The following MAGT1 variants were observed in gnomAD, a reference collection of about 807,000 sequenced individuals.
MAGT1 encodes magnesium transporter 1, also known as dolichyl-diphosphooligosaccharide--protein glycosyltransferase subunit MAGT1.
MAGT1 carries 4 observed loss-of-function variants against 28.4 expected under a neutral mutation model. That is an observed-to-expected ratio of 0.14 (90% CI 0.07 to 0.32). The LOEUF (loss-of-function observed/expected upper bound fraction) is 0.32. MAGT1 is among the 10% of genes least tolerant of loss of function. The pLI, the probability that MAGT1 is intolerant of heterozygous loss-of-function variation, is 1.00. For synonymous variants in MAGT1, 89 were observed against 89.7 expected, an observed-to-expected ratio of 0.99 and a Z score of 0.04; for missense variants, 193 against 264.5, an observed-to-expected ratio of 0.73 and a Z score of 1.88.
chrX:77,834,808 C>CA (rs1195011908), intron 8 of MAGT1, among the ~76,000 whole-genome samples: 1 of 110,360 alleles, frequency 9.1e-6, no homozygotes, highest in African/African-American at 3.3e-5. Flanking sequence ...GCAAAGGATA[C>CA]AATCAACAAA....
intron 7 of MAGT1, among the ~76,000 whole-genome samples, chrX:77,847,581 G>A (rs1557215121): frequency 9.1e-6 from 1 of 109,921 alleles, no homozygotes; most frequent in African/African-American, 3.3e-5. Flanking sequence ...GCTGCACAAA[G>A]GTCTTTTGTT....
chrX:77,885,798 G>A (rs961957271), intron 1 of MAGT1, among the ~76,000 whole-genome samples: 1 of 110,359 alleles, frequency 9.1e-6, no homozygotes, highest in Non-Finnish European at 1.9e-5. Flanking sequence ...TGACCAACAT[G>A]GTGAAACCCT....
chrX:77,876,164 A>AT (rs1163646892), intron 1 of MAGT1, among the ~76,000 whole-genome samples: 18 of 24,969 alleles, frequency 7.2e-4, no homozygotes, highest in East Asian at 2.3e-3. Flanking sequence ...ATATATATAT[A>AT]TTTTTTTTTT....
At chrX:77,831,078 C>T (rs868956435) in intron 8 of MAGT1, among the ~76,000 whole-genome samples, 183 bp from the exon 9 acceptor site, 6 of 110,038 alleles carry the variant, frequency 5.5e-5, no homozygotes, top group Admixed American at 2.9e-4. Context: ...AGTGCAGCGG[C>T]GCGATCTCGG....
chrX:77,830,960 ATACTTTCTTTT>A, intron 8 of MAGT1, 65 bp from the exon 9 acceptor site: 1 of 393,248 alleles, frequency 2.5e-6, no homozygotes, highest in Non-Finnish European at 4.1e-6. Flanking sequence ...ATGGCAGTCT[ATACTTTCTTTT>A]TTTATTTTAT....
At chrX:77,840,693 T>C (rs2076932480) in intron 8 of MAGT1, among the ~76,000 whole-genome samples, 1 of 110,369 alleles carries the variant, frequency 9.1e-6, no homozygotes, top group African/African-American at 3.3e-5. Flanking sequence ...AAGTACAAAA[T>C]ATAAGCTGGG....
chrX:77,889,663 G>A (rs1252140915), intron 1 of MAGT1, among the ~76,000 whole-genome samples: 2 of 110,698 alleles, frequency 1.8e-5, no homozygotes, highest in Non-Finnish European at 3.8e-5. Context: ...GAGCCACTGT[G>A]CCCGGCCTTA....
intron 1 of MAGT1, among the ~76,000 whole-genome samples, chrX:77,878,000 G>A (rs1286490737): frequency 9.2e-6 from 1 of 108,268 alleles, no homozygotes; most frequent in African/African-American, 3.4e-5. Flanking sequence ...TCAAGCAACT[G>A]GGTGGGTGCA....
intron 7 of MAGT1, among the ~76,000 whole-genome samples, chrX:77,845,924 C>T (rs1388538375): frequency 9.0e-6 from 1 of 110,899 alleles, no homozygotes; most frequent in East Asian, 2.8e-4. Context: ...TGGAGTTGCT[C>T]TTCTCGAGGA....
At chrX:77,830,958 CTATACTTTCTTT>C (rs1452233023) in intron 8 of MAGT1, 63 bp from the exon 9 acceptor site, 1 of 394,896 alleles carries the variant, frequency 2.5e-6, no homozygotes, top group Non-Finnish European at 4.1e-6. Flanking sequence ...CCATGGCAGT[CTATACTTTCTTT>C]TTTTATTTTA....
intron 1 of MAGT1, among the ~76,000 whole-genome samples, chrX:77,880,199 T>A (rs1407703150): frequency 9.1e-6 from 1 of 109,379 alleles, no homozygotes; most frequent in Non-Finnish European, 1.9e-5. Context: ...ATGTCACAAG[T>A]ACATCTCTAT....
chrX:77,877,811 TCAAAA>T (rs1569548222), intron 1 of MAGT1, among the ~76,000 whole-genome samples: 2 of 81,067 alleles, frequency 2.5e-5, no homozygotes, highest in African/African-American at 4.4e-5. Context: ...AGACTCTGTC[TCAAAA>T]TAAAATAAAA....
chrX:77,855,016 A>G (rs2076977688), intron 6 of MAGT1, among the ~76,000 whole-genome samples: 2 of 111,822 alleles, frequency 1.8e-5, no homozygotes. Context: ...CACTTTTAAG[A>G]GCACTGCGGC....
chrX:77,879,628 A>C (rs2077045385), intron 1 of MAGT1, among the ~76,000 whole-genome samples: 1 of 110,981 alleles, frequency 9.0e-6, no homozygotes, highest in South Asian at 3.8e-4. Context: ...AAGAGAACAG[A>C]GACCCACAAT....
At position 77,828,934 on chromosome X, in the gene MAGT1, T is replaced by A. The variant is rs782138959; in HGVS notation, c.*286A>T. 2.6e-5 allele frequency: 6 copies of A among 233,634 alleles called. No homozygotes were observed. The Admixed American group carries it at 4.0e-4, about 15-fold the overall frequency. 19.3% of individuals were successfully genotyped at this position (233,634 alleles called of 1,213,427 possible). ...TGTTCTAACTAAAACAAAGTAGTAG[T>A]TTTACAATTTTTATAATATACTTAA... On this transcript the variant is annotated 3_prime_UTR_variant, in exon 10 of 10. Transcript: ENST00000618282.
At chrX:77,893,563 G>A (rs1413633090) in intron 1 of MAGT1, among the ~76,000 whole-genome samples, 1 of 111,564 alleles carries the variant, frequency 9.0e-6, no homozygotes, top group Non-Finnish European at 1.9e-5. Flanking sequence ...TTCACTGGTA[G>A]AAATGCTAAG....
chrX:77,884,098 C>T (rs2149028324), intron 1 of MAGT1, among the ~76,000 whole-genome samples: 1 of 111,033 alleles, frequency 9.0e-6, no homozygotes, highest in East Asian at 2.9e-4. Context: ...GAGGCTGAGG[C>T]ACGAGAATCA....
rs781996070 is a variant in MAGT1 at position 77,875,436 on chromosome X, G to A, written c.264C>T (p.Val88=). The part of the protein sequence containing the change: ...FTALQLHRQC[V]VCKQADEEFQ... ...GTAGTTGGAGTTCATACTTGCAAAC[G>A]ACACACTGTCTATGCAGTTGGAGAG... Residue 88 remains valine (V), a synonymous_variant, in exon 2 of 10, where the codon GTC becomes GTT. Coordinates refer to ENST00000618282, the MANE Select transcript of MAGT1 (RefSeq NM_001367916.1). The A allele has an allele frequency of 7.4e-6, 9 of 1,208,544 alleles. No homozygotes were observed. The South Asian group carries it at 1.2e-4, about 17-fold the overall frequency.
At position 77,856,881 on chromosome X, in the gene MAGT1, A is replaced by G. The variant is rs781804800; in HGVS notation, c.532-8T>C. On this transcript the variant is annotated splice_region_variant and splice_polypyrimidine_tract_variant and intron_variant, in intron 4 of 9. Transcript: ENST00000618282. ...GGGTCTAATCACTCTAATCTAATGGAAAGGAGAGAAAAACATGTTAAAGTA... is the reference window on the plus strand; with the variant it reads ...GGGTCTAATCACTCTAATCTAATGGGAAGGAGAGAAAAACATGTTAAAGTA... 8.4e-7 allele frequency: 1 copy of G among 1,191,647 alleles called. No homozygotes were observed. The highest frequency in any genetic ancestry group is 1.8e-5 in the South Asian group (1 of 54,324).
Sources: allele counts gnomAD v4.1 joint callset (sites outside exome capture counted in the v4.1 genomes callset), GRCh38; gene constraint gnomAD v4.1.1; transcripts MANE v1.5; gene names NCBI Gene and HGNC (gene_info 2026-07-23, HGNC 2026-07-21).